PPP2R2A: variants seen among roughly 807,000 people sequenced by gnomAD.
PPP2R2A encodes the protein serine/threonine-protein phosphatase 2A 55 kDa regulatory subunit B alpha isoform.
Under a neutral mutation model 53.2 loss-of-function variants are expected in PPP2R2A, and 9 were observed. The ratio of observed to expected loss-of-function variants is 0.17; its 90% CI spans 0.10 to 0.30. The LOEUF (loss-of-function observed/expected upper bound fraction) is 0.30, where lower values mean the gene tolerates loss of function less well. PPP2R2A is among the 10% of genes least tolerant of loss of function. The pLI is 1.00. For synonymous variants in PPP2R2A, 169 were observed against 174.2 expected (o/e 0.97, Z 0.23); for missense variants, 235 against 534.6 (o/e 0.44, Z 5.53).
intron 2 of PPP2R2A, among the ~76,000 whole-genome samples, chr8:26,296,865 A>G (rs1486287070): frequency 6.6e-6 from 1 of 152,240 alleles, no homozygotes; most frequent in African/African-American, 2.4e-5. Context: ...CGCTTTCTGC[A>G]GAATCATCGG....
intron 2 of PPP2R2A, among the ~76,000 whole-genome samples, chr8:26,305,267 C>A (rs1201557314): frequency 6.6e-6 from 1 of 152,076 alleles, no homozygotes; most frequent in Non-Finnish European, 1.5e-5. Flanking sequence ...GAATAATAGA[C>A]CATTGTGTGT....
chr8:26,308,160 A>C (rs1404997525), intron 2 of PPP2R2A, among the ~76,000 whole-genome samples: 4 of 152,264 alleles, frequency 2.6e-5, no homozygotes, highest in Admixed American at 1.3e-4. Flanking sequence ...AAAAATGTTA[A>C]TAGTCTGAGC....
chr8:26,299,399 A>T lies in PPP2R2A; in HGVS notation c.82+5659A>T, dbSNP rs1585321380. On this transcript the variant is annotated intron_variant, in intron 2 of 9. Transcript: ENST00000380737. ...AATGAACCTCATCTGCATATTTGAT[A>T]GTCTTAAACTTTCACAGGAAATTAT... Among the ~76,000 whole-genome samples the T allele has an allele frequency of 2.6e-5, 4 of 152,342 alleles. No individual in the cohort carries two copies. In the East Asian group the frequency reaches 7.7e-4, roughly 29 times the overall value.
chr8:26,314,624 C>T (rs1414143681), intron 2 of PPP2R2A, among the ~76,000 whole-genome samples: 5 of 152,064 alleles, frequency 3.3e-5, no homozygotes, highest in South Asian at 2.1e-4. Context: ...TAACATTTTC[C>T]GTTAGAATTT....
chr8:26,300,607 G>A (rs1801736928), intron 2 of PPP2R2A, among the ~76,000 whole-genome samples: 1 of 152,180 alleles, frequency 6.6e-6, no homozygotes, highest in Non-Finnish European at 1.5e-5. Context: ...TGTAATCCCA[G>A]CACTTTGGGA....
chr8:26,333,510 C>T (rs1186120799), intron 2 of PPP2R2A: 1 of 1,231,488 alleles, frequency 8.1e-7, no homozygotes, highest in African/African-American at 1.5e-5. Flanking sequence ...ACATAGTCCT[C>T]AAGTGGAATT....
At position 26,321,820 on chromosome 8, in the gene PPP2R2A, T is replaced by C. The variant is rs1273826904; in HGVS notation, c.83-17070T>C. Reference sequence around the variant, plus strand: ...ATGAGATAATAAGTGTTTGTTGTTTTAAGCTGCTACCTTTGGGACAATTTT... The same window carrying C: ...ATGAGATAATAAGTGTTTGTTGTTTCAAGCTGCTACCTTTGGGACAATTTT... On this transcript the variant is annotated intron_variant, in intron 2 of 9. Coordinates refer to ENST00000380737, the MANE Select transcript of PPP2R2A (RefSeq NM_002717.4). This position sits in a 1 kb window ranked among gnomAD's most constrained non-coding sequence, Gnocchi z 4.1. 6.6e-6 allele frequency among the ~76,000 whole-genome samples: 1 copy of C among 152,248 alleles called. No individual in the cohort carries two copies. Among genetic ancestry groups the C allele is most frequent in the African/African-American group, 2.4e-5 (1 of 41,460 alleles).
intron 2 of PPP2R2A, among the ~76,000 whole-genome samples, chr8:26,295,128 T>G (rs1329705106): frequency 6.6e-6 from 1 of 152,244 alleles, no homozygotes; most frequent in Non-Finnish European, 1.5e-5. Flanking sequence ...CACCAAGTTA[T>G]GAAAGTGCTG....
At chr8:26,303,572 G>GA (rs1801883732) in intron 2 of PPP2R2A, among the ~76,000 whole-genome samples, 1 of 152,140 alleles carries the variant, frequency 6.6e-6, no homozygotes, top group African/African-American at 2.4e-5. Flanking sequence ...ATGTTTTTCT[G>GA]AAAATCCTGA....
At chr8:26,346,938 C>T (rs7014340) in intron 3 of PPP2R2A, among the ~76,000 whole-genome samples, 2,928 of 152,278 alleles carry the variant, frequency 0.019, 91 homozygotes, top group African/African-American at 0.067. Flanking sequence ...CCTCAAATGT[C>T]GGGGTGTCAT....
chr8:26,291,804 C>CA lies in PPP2R2A; in HGVS notation c.-16_-15insA. 12 of 1,604,820 alleles carry CA rather than the reference C, an allele frequency of 7.5e-6. No homozygotes were observed. The highest frequency in any genetic ancestry group is 1.0e-5 in the Non-Finnish European group (12 of 1,176,284). Reference sequence around the variant, plus strand: ...GACCCCGAGGAACCCAGCAGGGTCACCATTTGCAGCGCAACATGGCAGGTA... The same window carrying CA: ...GACCCCGAGGAACCCAGCAGGGTCACACATTTGCAGCGCAACATGGCAGGTA... On this transcript the variant is annotated 5_prime_UTR_variant, in exon 1 of 10. Coordinates refer to ENST00000380737, the MANE Select transcript of PPP2R2A (RefSeq NM_002717.4).
intron 4 of PPP2R2A, among the ~76,000 whole-genome samples, chr8:26,356,294 C>G (rs1804779361): frequency 6.6e-6 from 1 of 152,180 alleles, no homozygotes; most frequent in Admixed American, 6.5e-5. Flanking sequence ...ATGCTGTTCA[C>G]AAATGCCTGA....
intron 6 of PPP2R2A, among the ~76,000 whole-genome samples, chr8:26,361,897 G>GT (rs1805105612): frequency 6.6e-6 from 1 of 151,428 alleles, no homozygotes; most frequent in South Asian, 2.1e-4. Context: ...GGAGATAGAG[G>GT]TTGCAGTGAG....
chr8:26,332,607 C>T (rs894077229), intron 2 of PPP2R2A, among the ~76,000 whole-genome samples: 1 of 152,140 alleles, frequency 6.6e-6, no homozygotes, highest in Non-Finnish European at 1.5e-5. Flanking sequence ...GTTAATGCTT[C>T]ATCTGTAGGG....
chr8:26,342,113 T>C (rs4872426), intron 3 of PPP2R2A, among the ~76,000 whole-genome samples: 29,465 of 152,144 alleles, frequency 0.19, 3,067 homozygotes, highest in East Asian at 0.28. Context: ...ATAACTAATA[T>C]ATTTGTATAG....
chr8:26,319,025 T>C (rs1802700439), intron 2 of PPP2R2A, among the ~76,000 whole-genome samples: 1 of 152,172 alleles, frequency 6.6e-6, no homozygotes, highest in Non-Finnish European at 1.5e-5. Context: ...CTCATTCCTG[T>C]CTCCCCAGCA....
intron 2 of PPP2R2A, among the ~76,000 whole-genome samples, chr8:26,301,815 T>C (rs1436186478): frequency 6.6e-6 from 1 of 152,234 alleles, no homozygotes; most frequent in East Asian, 1.9e-4. Context: ...ACTTGCCTTT[T>C]TCAATACATT....
intron 3 of PPP2R2A, among the ~76,000 whole-genome samples, chr8:26,339,246 A>G (rs1480471932): frequency 1.3e-5 from 2 of 152,188 alleles, no homozygotes; most frequent in African/African-American, 4.8e-5. Flanking sequence ...GTGGAAAGTG[A>G]TGGAATAATC....
At chr8:26,366,539 T>A (rs1393147305) in intron 9 of PPP2R2A, 133 bp downstream of exon 9, 1 of 525,314 alleles carries the variant, frequency 1.9e-6, no homozygotes, top group Non-Finnish European at 3.2e-6. Context: ...ACAGCAGTAC[T>A]GGTAGATAAA....
Sources: gnomAD v4.1 joint callset for allele counts (sites outside exome capture counted in the v4.1 genomes callset) on GRCh38, gnomAD v4.1.1 for gene constraint, Gnocchi (gnomAD v3.1) non-coding constraint, MANE v1.5 for transcripts, NCBI Gene and HGNC (gene_info 2026-07-23, HGNC 2026-07-21) for gene names.